LGSN: variants seen among roughly 807,000 people sequenced by gnomAD.
LGSN encodes the protein lengsin, lens protein with glutamine synthetase domain.
A neutral mutation model predicts 19.5 loss-of-function variants in LGSN; 21 were observed. The observed-to-expected ratio is 1.07, with a 90% CI of 0.76 to 1.55. The LOEUF is 1.55. Among genes scored for constraint, LGSN ranks in the 40% most tolerant of loss-of-function variants. The pLI, the probability that LGSN is intolerant of heterozygous loss-of-function variation, is 0.00. For missense variants in LGSN, 673 were observed against 608.5 expected (o/e 1.11, Z -1.12); for synonymous variants, 257 against 215.6 (o/e 1.19, Z -1.68).
the LGSN span, among the ~76,000 whole-genome samples, chr6:63,550,094 C>T: frequency 6.6e-6 from 1 of 152,108 alleles, no homozygotes; most frequent in Non-Finnish European, 1.5e-5. Flanking sequence ...TATGTGTCAA[C>T]TTGAAACGTT....
intron 2 of LGSN, among the ~76,000 whole-genome samples, chr6:63,293,290 C>T (rs1767845388): frequency 6.6e-6 from 1 of 152,138 alleles, no homozygotes; most frequent in Non-Finnish European, 1.5e-5. Flanking sequence ...AGCCACTGTG[C>T]CTGGCTTTTA....
the LGSN span, among the ~76,000 whole-genome samples, chr6:63,520,599 C>G: frequency 9.3e-3 from 1,408 of 151,174 alleles, 9 homozygotes; most frequent in Non-Finnish European, 0.014. Flanking sequence ...CCACTTCACT[C>G]CAGCCTGGGT....
At chr6:63,505,583 A>G in the LGSN span, among the ~76,000 whole-genome samples, 5 of 98,144 alleles carry the variant, frequency 5.1e-5, no homozygotes, top group Non-Finnish European at 6.8e-5. Flanking sequence ...GAAAGAAAGA[A>G]AGAAAGAAAG....
At chr6:63,294,877 C>T (rs1369532444) in intron 2 of LGSN, 36 bp downstream of exon 2, 1 of 1,609,526 alleles carries the variant, frequency 6.2e-7, no homozygotes, top group Admixed American at 1.7e-5. Flanking sequence ...TTGCCTCTGA[C>T]CACACCATTT....
chr6:63,481,812 G>C, the LGSN span: 7 of 312,798 alleles, frequency 2.2e-5, no homozygotes, highest in Non-Finnish European at 3.8e-5. Context: ...ACAGATATGC[G>C]GGAGGAGCAG....
At position 63,285,718 on chromosome 6, in the gene LGSN, G is replaced by C; in HGVS notation, c.199C>G (p.Pro67Ala). The C allele has an allele frequency of 6.2e-7, 1 of 1,613,914 alleles. No individual in the cohort carries two copies. The highest frequency in any genetic ancestry group is 8.5e-7 in the Non-Finnish European group (1 of 1,179,876). The change falls in exon 3 of 4, where the codon CCT (proline) becomes GCT (alanine). Residue 67 changes from proline to alanine, a missense_variant. Physicochemically the swap from Pro to Ala is conservative, Grantham distance 27. Transcript: ENST00000370657. ...MRDSSQILTPPQLSSRMKHIR... is the reference protein window; with the variant it reads ...MRDSSQILTPAQLSSRMKHIR... Reference sequence around the variant, plus strand: ...TGTTTCATTCTAGAAGAGAGTTGAGGTGGGGTCAAAATTTGACTGCTGTCC... The same window carrying C: ...TGTTTCATTCTAGAAGAGAGTTGAGCTGGGGTCAAAATTTGACTGCTGTCC...
chr6:63,384,855 A>G, the LGSN span, among the ~76,000 whole-genome samples: 107 of 152,314 alleles, frequency 7.0e-4, no homozygotes, highest in East Asian at 0.02. Flanking sequence ...AAATTAAATG[A>G]GGTTTTATGG....
chr6:63,362,593 T>G, the LGSN span, among the ~76,000 whole-genome samples: 6 of 152,134 alleles, frequency 3.9e-5, no homozygotes, highest in Non-Finnish European at 5.9e-5. Flanking sequence ...AGAGCCTCAC[T>G]CACTGCTAGC....
At chr6:63,360,468 T>G in the LGSN span, among the ~76,000 whole-genome samples, 7 of 152,368 alleles carry the variant, frequency 4.6e-5, no homozygotes, top group African/African-American at 1.7e-4. Flanking sequence ...CTGAGGCTTG[T>G]GCATTCATCA....
the LGSN span, among the ~76,000 whole-genome samples, chr6:63,463,718 A>G: frequency 6.6e-6 from 1 of 152,214 alleles, no homozygotes; most frequent in South Asian, 2.1e-4. Flanking sequence ...CTAGGCTTTG[A>G]TGTAGAGTCT....
chr6:63,422,848 G>A, the LGSN span, among the ~76,000 whole-genome samples: 1 of 152,154 alleles, frequency 6.6e-6, no homozygotes, highest in South Asian at 2.1e-4. Flanking sequence ...CAAAATGGCA[G>A]ACTTCACTCC....
At chr6:63,322,216 A>G (rs2127399892), upstream of LGSN, among the ~76,000 whole-genome samples, 1 of 152,318 alleles carries the variant, frequency 6.6e-6, no homozygotes, top group South Asian at 2.1e-4. Flanking sequence ...TGAAATCACA[A>G]TGAATCTGTT....
chr6:63,493,404 A>C, the LGSN span, among the ~76,000 whole-genome samples: 2 of 152,220 alleles, frequency 1.3e-5, no homozygotes. Context: ...CCTTTTCCCA[A>C]ACTCTTCAGG....
the LGSN span, among the ~76,000 whole-genome samples, chr6:63,415,173 C>T: frequency 6.6e-6 from 1 of 151,536 alleles, no homozygotes; most frequent in East Asian, 2.0e-4. Context: ...AATAAAAATA[C>T]AACCAGGCAT....
chr6:63,394,504 AG>A, the LGSN span, among the ~76,000 whole-genome samples: 1 of 152,214 alleles, frequency 6.6e-6, no homozygotes, highest in South Asian at 2.1e-4. Flanking sequence ...CCTCAGTTCC[AG>A]GGGTATTGCC....
chr6:63,279,945 AG>A lies in LGSN; in HGVS notation c.*75del. 1 of 1,356,224 alleles carries A rather than the reference AG, an allele frequency of 7.4e-7. No homozygotes were observed. The highest frequency in any genetic ancestry group is 2.3e-5 in the East Asian group (1 of 43,028). The allele number at this position is 1,356,224 out of a possible 1,614,324, so 84.0% of individuals were successfully genotyped here. ...TATTGTTGCTGTTGTTAATTACAAA[AG>A]TTCAGTCTTTTTGTTTTGGTAGATT... On this transcript the variant is annotated 3_prime_UTR_variant, in exon 4 of 4. Transcript: ENST00000370657.
intron 1 of LGSN, among the ~76,000 whole-genome samples, chr6:63,310,679 T>G (rs939539282): frequency 6.6e-6 from 1 of 152,164 alleles, no homozygotes; most frequent in Non-Finnish European, 1.5e-5. Context: ...GATAAACATA[T>G]GAATGCGGTC....
chr6:63,526,604 T>G, the LGSN span, among the ~76,000 whole-genome samples: 1 of 151,474 alleles, frequency 6.6e-6, no homozygotes, highest in African/African-American at 2.4e-5. Flanking sequence ...GGTAAGGAGA[T>G]CGAGACCATC....
At chr6:63,474,633 G>A in the LGSN span, among the ~76,000 whole-genome samples, 1 of 150,362 alleles carries the variant, frequency 6.7e-6, no homozygotes, top group African/African-American at 2.4e-5. Context: ...AAGAAAGTGG[G>A]AAGTTAGGCT....
Sources: allele counts gnomAD v4.1 joint callset (sites outside exome capture counted in the v4.1 genomes callset), GRCh38; gene constraint gnomAD v4.1.1; transcripts MANE v1.5; gene names NCBI Gene and HGNC (gene_info 2026-07-23, HGNC 2026-07-21).